The following SPSB1 variants were observed in gnomAD, a reference collection of about 807,000 sequenced individuals.
SPSB1 encodes splA/ryanodine receptor domain and SOCS box containing 1.
In SPSB1, 8 loss-of-function variants were observed where a neutral mutation model predicts 21.2. The ratio of observed to expected loss-of-function variants is 0.38; its 90% confidence interval spans 0.22 to 0.68. The LOEUF is 0.68. Among genes scored for constraint, SPSB1 ranks in the 30% least tolerant of loss-of-function variants. The pLI is 0.53. For missense variants in SPSB1, 242 were observed against 377.8 expected (o/e 0.64, Z 2.98); for synonymous variants, 169 against 161.7 (o/e 1.05, Z -0.34).
At chr1:9,314,259 T>C (rs1217901935) in intron 1 of SPSB1, among the ~76,000 whole-genome samples, 1 of 151,674 alleles carries the variant, frequency 6.6e-6, no homozygotes, top group African/African-American at 2.4e-5. Flanking sequence ...ATTTTCAGTG[T>C]CTCTGCTGGG....
At chr1:9,300,712 G>A (rs890623765) in intron 1 of SPSB1, among the ~76,000 whole-genome samples, 2 of 152,222 alleles carry the variant, frequency 1.3e-5, no homozygotes, top group Non-Finnish European at 2.9e-5. Context: ...GTGGCAGAAC[G>A]CTGCCATCGA....
At chr1:9,307,052 T>G (rs1405940526) in intron 1 of SPSB1, among the ~76,000 whole-genome samples, 4 of 151,868 alleles carry the variant, frequency 2.6e-5, no homozygotes, top group Non-Finnish European at 5.9e-5. Flanking sequence ...CTTAGCCTCC[T>G]GGGTAGCTGG....
At chr1:9,334,759 G>A (rs926126246) in intron 1 of SPSB1, among the ~76,000 whole-genome samples, 4 of 152,134 alleles carry the variant, frequency 2.6e-5, no homozygotes, top group Non-Finnish European at 4.4e-5. Flanking sequence ...CTATGGATCC[G>A]ATTGTCTTAG....
At chr1:9,364,154 G>C (rs911466313) in intron 2 of SPSB1, among the ~76,000 whole-genome samples, 6 of 152,204 alleles carry the variant, frequency 3.9e-5, no homozygotes, top group Non-Finnish European at 7.3e-5. Flanking sequence ...AGCCACGAGG[G>C]AGAGCCCCTC....
intron 1 of SPSB1, among the ~76,000 whole-genome samples, chr1:9,314,622 C>G (rs1416809003): frequency 6.6e-6 from 1 of 152,190 alleles, no homozygotes; most frequent in African/African-American, 2.4e-5. Context: ...CAGCCTCATC[C>G]CTGAGTTTCC....
rs904675520 is a variant in SPSB1, at chr1:9,328,625, A to G, written c.-149-27118A>G. On this transcript the variant is annotated intron_variant, in intron 1 of 2. Coordinates refer to ENST00000328089, the MANE Select transcript of SPSB1 (RefSeq NM_025106.4). ...GATGAGTGTGTTGGGGTGAGCACCA[A>G]CGCCCCACCCACTGCCTCCCTCTGG... 7.2e-5 allele frequency among the ~76,000 whole-genome samples: 11 copies of G among 152,186 alleles called. No individual in the cohort carries two copies. The East Asian group carries it at 1.2e-3, about 16-fold the overall frequency.
chr1:9,301,859 A>G (rs1639334935), intron 1 of SPSB1, among the ~76,000 whole-genome samples: 1 of 152,228 alleles, frequency 6.6e-6, no homozygotes, highest in Admixed American at 6.5e-5. Context: ...TGGAAGGCAC[A>G]TTGGACCACT....
chr1:9,327,157 A>C (rs1483557709), intron 1 of SPSB1, among the ~76,000 whole-genome samples: 2 of 152,170 alleles, frequency 1.3e-5, no homozygotes, highest in African/African-American at 4.8e-5. Flanking sequence ...GGGTCCCAGG[A>C]TGGCCCTCTA....
Position 9,315,945 on chromosome 1 carries a change from C to T in SPSB1, c.-150+22874C>T, listed in dbSNP as rs142321670. ...TCGCCAGTTACGGGTTTCACGCGTG[C>T]GGCTCCGGGCATCCTGGTGCAGTTC... On this transcript the variant is annotated intron_variant, in intron 1 of 2. Coordinates refer to ENST00000328089, the MANE Select transcript of SPSB1 (RefSeq NM_025106.4). Among the ~76,000 whole-genome samples the T allele has an allele frequency of 3.9e-3, 601 of 152,330 alleles. 6 individuals carry two copies. The highest frequency in any genetic ancestry group is 0.013 in the African/African-American group (549 of 41,576).
At chr1:9,319,499 A>G (rs1434816584) in intron 1 of SPSB1, among the ~76,000 whole-genome samples, 1 of 152,032 alleles carries the variant, frequency 6.6e-6, no homozygotes, top group African/African-American at 2.4e-5. Context: ...TGCTGTCCCC[A>G]TGCCTTCCTT....
chr1:9,320,147 G>A (rs1157676993), intron 1 of SPSB1, among the ~76,000 whole-genome samples: 1 of 152,202 alleles, frequency 6.6e-6, no homozygotes, highest in Admixed American at 6.5e-5. Flanking sequence ...CCCCACTATA[G>A]TTTCTCTTTG....
At chr1:9,360,667 C>CCCACAG (rs1640457286) in intron 2 of SPSB1, among the ~76,000 whole-genome samples, 2 of 152,158 alleles carry the variant, frequency 1.3e-5, no homozygotes, top group Admixed American at 1.3e-4. Context: ...CAGGGTGCTC[C>CCCACAG]ACCTGTGTAT....
In SPSB1 at chr1:9,345,816, T is replaced by C. The variant is rs1193535813; in HGVS notation, c.-149-9927T>C. On this transcript the variant is annotated intron_variant, in intron 1 of 2. Coordinates refer to ENST00000328089, the MANE Select transcript of SPSB1 (RefSeq NM_025106.4). The surrounding 1 kb of genome is among the most constrained non-coding windows in gnomAD (Gnocchi z 4.8). ...TTGTCAGAACTTTCCAGAAGGATCCTGTTCTTTTTTGTTGATTCTAGGGGC... is the reference window on the plus strand; with the variant it reads ...TTGTCAGAACTTTCCAGAAGGATCCCGTTCTTTTTTGTTGATTCTAGGGGC... 6.6e-6 allele frequency among the ~76,000 whole-genome samples: 1 copy of C among 152,228 alleles called. No individual in the cohort carries two copies.
chr1:9,295,239 TGTGC>T (rs1464769769), intron 1 of SPSB1, among the ~76,000 whole-genome samples: 2,050 of 134,798 alleles, frequency 0.015, 39 homozygotes, highest in African/African-American at 0.053. Flanking sequence ...TGTGTGTGTG[TGTGC>T]GCGCGTGCGG....
chr1:9,334,423 G>A (rs1430360751), intron 1 of SPSB1, among the ~76,000 whole-genome samples: 1 of 152,208 alleles, frequency 6.6e-6, no homozygotes, highest in Non-Finnish European at 1.5e-5. Flanking sequence ...GTTTCGCCAT[G>A]TTGACCAGGC....
chr1:9,367,950 G>A lies in SPSB1; in HGVS notation c.*375G>A, dbSNP rs1640606410. ...TGCAGCCACCTGGGGGTCCCAGGGT[G>A]GTGGGGGTGGCAGGTGGTACCACAG... On this transcript the variant is annotated 3_prime_UTR_variant, in exon 3 of 3. Coordinates refer to ENST00000328089, the MANE Select transcript of SPSB1 (RefSeq NM_025106.4). The surrounding 1 kb of genome is among the most constrained non-coding windows in gnomAD (Gnocchi z 5.9). 4.8e-6 allele frequency: 1 copy of A among 206,526 alleles called. No homozygotes were observed. Among genetic ancestry groups the A allele is most frequent in the African/African-American group, 2.3e-5 (1 of 42,892 alleles). 12.8% of individuals were successfully genotyped at this position (206,526 alleles called of 1,614,324 possible).
intron 1 of SPSB1, among the ~76,000 whole-genome samples, chr1:9,326,079 C>T (rs1639811251): frequency 6.6e-6 from 1 of 151,920 alleles, no homozygotes; most frequent in African/African-American, 2.4e-5. Context: ...TCCCTTAGTT[C>T]ATCTGTCCCC....
At chr1:9,349,510 C>T (rs12404367) in intron 1 of SPSB1, among the ~76,000 whole-genome samples, 9 of 152,236 alleles carry the variant, frequency 5.9e-5, no homozygotes, top group Admixed American at 3.9e-4. Flanking sequence ...GCGCCAGCGC[C>T]GTAGATGCGT....
At chr1:9,325,192 G>A (rs1392648892) in intron 1 of SPSB1, among the ~76,000 whole-genome samples, 1 of 146,158 alleles carries the variant, frequency 6.8e-6, no homozygotes, top group African/African-American at 2.6e-5. Flanking sequence ...CCTGTACTCC[G>A]CCCTCCGGCC....
Sources: allele counts gnomAD v4.1 joint callset (sites outside exome capture counted in the v4.1 genomes callset), GRCh38; gene constraint gnomAD v4.1.1; non-coding constraint Gnocchi (gnomAD v3.1); transcripts MANE v1.5; gene names NCBI Gene and HGNC (gene_info 2026-07-23, HGNC 2026-07-21).